The following FDX1 variants were observed in gnomAD, a reference collection of about 807,000 sequenced individuals.
The protein encoded by FDX1 is adrenodoxin, mitochondrial.
A neutral mutation model predicts 14.9 loss-of-function variants in FDX1; 9 were observed. The ratio of observed to expected loss-of-function variants is 0.60; its 90% confidence interval spans 0.36 to 1.05. FDX1 has a LOEUF of 1.05. Ranked by LOEUF, FDX1 falls within the 50% of genes least tolerant of loss-of-function variation. FDX1 has a pLI of 0.01. For synonymous variants in FDX1, 92 were observed against 99.4 expected (o/e 0.93, Z 0.44); for missense variants, 204 against 237.2 (o/e 0.86, Z 0.92).
chr11:110,464,851 T>G lies in FDX1; in HGVS notation c.*2383T>G, dbSNP rs1005116954. On this transcript the variant is annotated 3_prime_UTR_variant, in exon 4 of 4. Coordinates refer to ENST00000260270, the MANE Select transcript of FDX1 (RefSeq NM_004109.5). ...TTAATTGTGTTATTTTATAAAACCT[T>G]CTAAAATTATTAAATGGAGGATATA... 6.6e-6 allele frequency: 1 copy of G among 152,228 alleles called. No individual in the cohort carries two copies. The highest frequency in any genetic ancestry group is 1.5e-5 in the Non-Finnish European group (1 of 68,042). The allele number at this position is 152,228 out of a possible 1,614,324, so 9.4% of individuals were successfully genotyped here. A position where few individuals can be genotyped will look rare whatever the true frequency, so the allele number is the denominator to read the frequency against.
At chr11:110,432,997 C>T (rs919936450) in intron 1 of FDX1, among the ~76,000 whole-genome samples, 1 of 152,146 alleles carries the variant, frequency 6.6e-6, no homozygotes, top group African/African-American at 2.4e-5. Flanking sequence ...TTGAATTCTA[C>T]TATGTGTTAC....
chr11:110,448,165 CAT>C (rs1491454355), intron 2 of FDX1, among the ~76,000 whole-genome samples: 4 of 152,132 alleles, frequency 2.6e-5, no homozygotes, highest in African/African-American at 9.7e-5. Context: ...ACTCTCAAGA[CAT>C]TTTTTTCTTC....
chr11:110,433,299 C>T (rs757979096), intron 1 of FDX1, among the ~76,000 whole-genome samples: 4 of 152,224 alleles, frequency 2.6e-5, no homozygotes, highest in African/African-American at 9.6e-5. Flanking sequence ...TGGACATTCT[C>T]ATCTGGCTTT....
intron 2 of FDX1, among the ~76,000 whole-genome samples, chr11:110,440,097 C>T (rs1946395978): frequency 6.6e-6 from 1 of 152,036 alleles, no homozygotes; most frequent in Non-Finnish European, 1.5e-5. Context: ...ATCTTTGTAT[C>T]TTTATGGGAT....
chr11:110,441,514 A>G (rs909368255), intron 2 of FDX1, among the ~76,000 whole-genome samples: 1 of 152,238 alleles, frequency 6.6e-6, no homozygotes, highest in Admixed American at 6.5e-5. Context: ...GACTCTTGCT[A>G]TGTTTTAGCA....
intron 2 of FDX1, among the ~76,000 whole-genome samples, chr11:110,449,275 T>C (rs762271198): frequency 6.6e-6 from 1 of 152,084 alleles, no homozygotes; most frequent in African/African-American, 2.4e-5. Flanking sequence ...TTCATGAAAA[T>C]TGTTGTATAA....
At position 110,444,675 on chromosome 11, in the gene FDX1, TATATATATACAC is replaced by T. The variant is rs1946429877; in HGVS notation, c.310+8718_310+8729del. 6.0e-4 allele frequency among the ~76,000 whole-genome samples: 47 copies of T among 78,464 alleles called. 1 individual carries two copies. The highest frequency in any genetic ancestry group is 5.4e-3 in the Middle Eastern group (1 of 186). The allele number at this position is 78,464 out of a possible 152,430, so 51.5% of individuals were successfully genotyped here. A position where few individuals can be genotyped will look rare whatever the true frequency, so the allele number is the denominator to read the frequency against. The stretch of plus-strand genomic sequence containing the variant: ...GTATATATATATATACGTATATATA[TATATATATACAC>T]GTATATATATATATATACGTATATA... On this transcript the variant is annotated intron_variant, in intron 2 of 3. Transcript: ENST00000260270.
Position 110,456,959 on chromosome 11 carries a change from A to G in FDX1, c.352A>G (p.Ile118Val). 2 of 1,613,484 alleles carry G rather than the reference A, an allele frequency of 1.2e-6. No individual in the cohort carries two copies. The highest frequency in any genetic ancestry group is 8.5e-7 in the Non-Finnish European group (1 of 1,179,652). The part of the protein sequence containing the change: ...GTLACSTCHL[I>V]FEDHIYEKLD... ...CCTGGCTTGTTCAACCTGTCACCTC[A>G]TCTTTGAAGATCACATATATGAGAA... Residue 118 changes from isoleucine to valine, a missense_variant, in exon 3 of 4, where the codon ATC becomes GTC. Physicochemically the swap from Ile to Val is conservative, Grantham distance 29 (BLOSUM62 3). Transcript: ENST00000260270.
chr11:110,453,057 C>T (rs1325178479), intron 2 of FDX1, among the ~76,000 whole-genome samples: 1 of 152,110 alleles, frequency 6.6e-6, no homozygotes, highest in Non-Finnish European at 1.5e-5. Context: ...ATAGAACTGG[C>T]CAGGTGCGGT....
intron 2 of FDX1, among the ~76,000 whole-genome samples, chr11:110,440,118 G>A (rs1946396075): frequency 6.6e-6 from 1 of 152,016 alleles, no homozygotes; most frequent in African/African-American, 2.4e-5. Flanking sequence ...TGGTTGTAAT[G>A]CCATCTTTGT....
Position 110,442,817 on chromosome 11 carries a change from G to C in FDX1, c.310+6859G>C, listed in dbSNP as rs533239231. Among the ~76,000 whole-genome samples the C allele has an allele frequency of 2.6e-5, 4 of 152,270 alleles. No individual in the cohort carries two copies. In the South Asian group the frequency reaches 8.3e-4, roughly 32 times the overall value. On this transcript the variant is annotated intron_variant, in intron 2 of 3. Transcript: ENST00000260270. ...GGAGGGACCAGGGGCAGAATGATAT[G>C]GTCTAGCCATGTCCCCTCCTATCCA...
At chr11:110,456,545 TA>T (rs1412233568) in intron 2 of FDX1, among the ~76,000 whole-genome samples, 5 of 148,200 alleles carry the variant, frequency 3.4e-5, no homozygotes, top group Non-Finnish European at 6.0e-5. Context: ...GACAGAGTCT[TA>T]CTCTGTCACC....
chr11:110,455,724 A>G (rs975263548), intron 2 of FDX1, among the ~76,000 whole-genome samples: 1 of 152,152 alleles, frequency 6.6e-6, no homozygotes, highest in African/African-American at 2.4e-5. Context: ...GACCTAGTGG[A>G]AGGACCTGGG....
At position 110,430,110 on chromosome 11, in the gene FDX1, G is replaced by C. The variant is rs1946319232; in HGVS notation, c.-11G>C. On this transcript the variant is annotated 5_prime_UTR_variant, in exon 1 of 4. Coordinates refer to ENST00000260270, the MANE Select transcript of FDX1 (RefSeq NM_004109.5). ...GCCTGCGTCGCTTCCGGCAGTTCCC[G>C]ACCGCGGGCGATGGCTGCCGCTGGG... 8.1e-7 allele frequency: 1 copy of C among 1,231,716 alleles called. No homozygotes were observed. The highest frequency in any genetic ancestry group is 1.6e-5 in the African/African-American group (1 of 63,644). 76.3% of individuals were successfully genotyped at this position (1,231,716 alleles called of 1,614,324 possible).
chr11:110,438,746 C>T (rs1428270752), intron 2 of FDX1, among the ~76,000 whole-genome samples: 6 of 151,958 alleles, frequency 3.9e-5, no homozygotes, highest in Non-Finnish European at 5.9e-5. Flanking sequence ...GGATTACAGG[C>T]GTGAGCCACC....
intron 2 of FDX1, among the ~76,000 whole-genome samples, chr11:110,442,766 T>G (rs1946412917): frequency 6.6e-6 from 1 of 152,160 alleles, no homozygotes; most frequent in African/African-American, 2.4e-5. Context: ...CATGATTGGT[T>G]TTGAAATGTG....
chr11:110,447,971 A>G (rs952685785), intron 2 of FDX1, among the ~76,000 whole-genome samples: 6 of 152,252 alleles, frequency 3.9e-5, no homozygotes, highest in Non-Finnish European at 7.3e-5. Context: ...GTAATAAGTG[A>G]ACACATGAAT....
chr11:110,444,641 TGTGTGTGTGTATATATATATATAC>T (rs1946426640), intron 2 of FDX1, among the ~76,000 whole-genome samples: 1 of 115,640 alleles, frequency 8.6e-6, no homozygotes, highest in Non-Finnish European at 1.7e-5. Flanking sequence ...TATGTGTGTG[TGTGTGTGTGTATATATATATATAC>T]GTATATATAT....
chr11:110,452,471 T>C (rs1427030663), intron 2 of FDX1, among the ~76,000 whole-genome samples: 1 of 151,966 alleles, frequency 6.6e-6, no homozygotes, highest in East Asian at 1.9e-4. Context: ...AGATGGCAAA[T>C]AAGCTCATAA....
Sources: gnomAD v4.1 joint callset for allele counts (sites outside exome capture counted in the v4.1 genomes callset) on GRCh38, gnomAD v4.1.1 for gene constraint, MANE v1.5 for transcripts, NCBI Gene and HGNC (gene_info 2026-07-23, HGNC 2026-07-21) for gene names.